PCDHAC2: variants seen among roughly 807,000 people sequenced by gnomAD.
The protein encoded by PCDHAC2 is protocadherin alpha-C2.
In PCDHAC2, 24 loss-of-function variants were observed where a neutral mutation model predicts 63.3. That is an observed-to-expected ratio of 0.38 (90% CI 0.27 to 0.53). PCDHAC2 has a LOEUF of 0.53. PCDHAC2 is among the 20% of genes least tolerant of loss of function. PCDHAC2 has a pLI of 0.81. For synonymous variants in PCDHAC2, 569 were observed against 529.4 expected (o/e 1.07, Z -1.03); for missense variants, 1,181 against 1,275.2 (o/e 0.93, Z 1.12).
Position 140,966,810 on chromosome 5 carries a change from G to C in PCDHAC2, c.44G>C (p.Arg15Pro), listed in dbSNP as rs1290992432. Residue 15 changes from arginine (R) to proline (P), a missense_variant, in exon 1 of 4, where the codon CGG (arginine) becomes CCG (proline). Transcript: ENST00000289269. ...AGACCTGCGGCGACAGAGCATCCAC[G>C]GCTCCGGCGGCCCATGCCCTGGCTG... ...GTRPAATEHP[R>P]LRRPMPWLLL... 5 of 1,548,566 alleles carry C rather than the reference G, an allele frequency of 3.2e-6. No individual in the cohort carries two copies. Among genetic ancestry groups the C allele is most frequent in the Non-Finnish European group, 4.3e-6 (5 of 1,151,006 alleles).
chr5:141,006,177 AAG>A (rs2098258661), intron 3 of PCDHAC2, among the ~76,000 whole-genome samples: 2 of 151,826 alleles, frequency 1.3e-5, no homozygotes, highest in African/African-American at 4.8e-5. Context: ...ATATTTTTAA[AAG>A]AGTTTGCTAT....
Position 141,009,631 on chromosome 5 carries a change from A to G in PCDHAC2, c.2718A>G (p.Pro906=). 6.2e-7 allele frequency: 1 copy of G among 1,613,068 alleles called. No individual in the cohort carries two copies. The highest frequency in any genetic ancestry group is 8.5e-7 in the Non-Finnish European group (1 of 1,179,354). The change falls in exon 4 of 4, where the codon CCA becomes CCG. Residue 906 remains proline (P), a synonymous_variant. Transcript: ENST00000289269. ...WPTVSSATPE[P]EAGEVSPPVG... is the part of the protein sequence containing the mutation. ...TTGTAATGTTTTGTCTTTCAGAACC[A>G]GAGGCAGGAGAAGTGTCCCCTCCAG...
intron 3 of PCDHAC2, among the ~76,000 whole-genome samples, chr5:140,992,482 G>A (rs1187706188): frequency 6.6e-6 from 1 of 152,164 alleles, no homozygotes; most frequent in Non-Finnish European, 1.5e-5. Flanking sequence ...TCACCCAGAG[G>A]CCAATCTGTA....
In PCDHAC2 at chr5:140,967,281, C is replaced by G; in HGVS notation, c.515C>G (p.Ala172Gly). Residue 172 changes from alanine (A) to glycine (G), a missense_variant, in exon 1 of 4, where the codon GCG becomes GGG. Ala to Gly is a moderately conservative substitution (Grantham distance 60, BLOSUM62 0). Transcript: ENST00000289269. ...GGAGCGCGCTTTCACATAGAGAGTG[C>G]GCAGGACCCCGACGTGGGCGCCAAC... ...APGARFHIESAQDPDVGANSV... is the reference protein window; with the variant it reads ...APGARFHIESGQDPDVGANSV... 4 of 1,613,102 alleles carry G rather than the reference C, an allele frequency of 2.5e-6. No individual in the cohort carries two copies. Among genetic ancestry groups the G allele is most frequent in the Non-Finnish European group, 3.4e-6 (4 of 1,179,608 alleles).
intron 1 of PCDHAC2, among the ~76,000 whole-genome samples, chr5:140,978,171 G>C (rs1386184793): frequency 6.6e-6 from 1 of 152,186 alleles, no homozygotes; most frequent in Non-Finnish European, 1.5e-5. Context: ...AGAGTTTGTA[G>C]AGAGAGGGCA....
At chr5:141,007,777 T>G (rs1467527710) in intron 3 of PCDHAC2, among the ~76,000 whole-genome samples, 2 of 152,226 alleles carry the variant, frequency 1.3e-5, no homozygotes, top group Non-Finnish European at 2.9e-5. Flanking sequence ...GAAATGGTAC[T>G]GCTTTACAAA....
intron 1 of PCDHAC2, among the ~76,000 whole-genome samples, chr5:140,973,558 T>C (rs1427190876): frequency 6.6e-6 from 1 of 152,238 alleles, no homozygotes; most frequent in Admixed American, 6.5e-5. Flanking sequence ...AATTACCTCT[T>C]TCCTCAATTT....
rs781892084 is a variant in PCDHAC2 at position 140,967,989 on chromosome 5, T to G, written c.1223T>G (p.Leu408Arg). 2 of 1,614,228 alleles carry G rather than the reference T, an allele frequency of 1.2e-6. No homozygotes were observed. Among genetic ancestry groups the G allele is most frequent in the Non-Finnish European group, 1.7e-6 (2 of 1,180,036 alleles). Residue 408 changes from leucine to arginine, a missense_variant, in exon 1 of 4, where the codon CTG (leucine) becomes CGG (arginine). By Grantham distance (102) the Leu-to-Arg change is moderately radical (BLOSUM62 -2). Transcript: ENST00000289269. Reference sequence around the variant, plus strand: ...GTGAGCCTGGGTCTGGAGGCCACACTGCCTTTCCGACTGAATGGCTTTGGA... The same window carrying G: ...GTGAGCCTGGGTCTGGAGGCCACACGGCCTTTCCGACTGAATGGCTTTGGA... ...RKVSLGLEAT[L>R]PFRLNGFGNS...
chr5:140,996,701 A>G (rs782320896), intron 3 of PCDHAC2, among the ~76,000 whole-genome samples: 2 of 152,130 alleles, frequency 1.3e-5, no homozygotes, highest in Non-Finnish European at 2.9e-5. Flanking sequence ...CTGAACCTCT[A>G]TCTCTTTGAT....
intron 3 of PCDHAC2, among the ~76,000 whole-genome samples, chr5:140,989,450 T>C (rs1299416259): frequency 6.6e-6 from 1 of 152,208 alleles, no homozygotes; most frequent in Admixed American, 6.5e-5. Context: ...TTGTTTAGAA[T>C]TGTTAGGCTT....
At chr5:140,987,227 A>T (rs1410526870) in intron 3 of PCDHAC2, among the ~76,000 whole-genome samples, 2 of 151,696 alleles carry the variant, frequency 1.3e-5, no homozygotes, top group African/African-American at 4.8e-5. Context: ...AAAAAAAAAA[A>T]TAATAAATAA....
Position 140,967,519 on chromosome 5 carries a change from C to T in PCDHAC2, c.753C>T (p.Asn251=), listed in dbSNP as rs147791062. ...AQISVRVLDT[N]DNSPAFDQST... is the part of the protein sequence containing the mutation. The stretch of plus-strand genomic sequence containing the variant: ...TCTCTGTGCGTGTCCTGGACACTAA[C>T]GACAACTCTCCTGCCTTTGACCAGT... Residue 251 remains asparagine (N), a synonymous_variant, in exon 1 of 4, where the codon AAC becomes AAT. Coordinates refer to ENST00000289269, the MANE Select transcript of PCDHAC2 (RefSeq NM_018899.6). 1 of 1,612,804 alleles carries T rather than the reference C, an allele frequency of 6.2e-7. No homozygotes were observed. The highest frequency in any genetic ancestry group is 8.5e-7 in the Non-Finnish European group (1 of 1,179,070).
chr5:140,969,097 C>G lies in PCDHAC2; in HGVS notation c.2331C>G (p.His777Gln), dbSNP rs2096295003. The change falls in exon 1 of 4, where the codon CAC (histidine) becomes CAG (glutamine). Residue 777 changes from histidine to glutamine, a missense_variant. His to Gln is a conservative substitution (Grantham distance 24). Transcript: ENST00000289269. ...CGCATGGCCTCAAAGTGCAGCCTCA[C>G]TTCATTGAAGTTCGAGGGAATGGCT... is the stretch of plus-strand genomic sequence containing the variant. ...RIPHGLKVQPHFIEVRGNGSL... is the reference protein window; with the variant it reads ...RIPHGLKVQPQFIEVRGNGSL... 6.2e-7 allele frequency: 1 copy of G among 1,614,072 alleles called. No homozygotes were observed. The highest frequency in any genetic ancestry group is 1.3e-5 in the African/African-American group (1 of 74,918).
rs1479503016 is a variant in PCDHAC2, at chr5:140,968,436, C to T, written c.1670C>T (p.Pro557Leu). 5 of 1,613,876 alleles carry T rather than the reference C, an allele frequency of 3.1e-6. No individual in the cohort carries two copies. Among genetic ancestry groups the T allele is most frequent in the Non-Finnish European group, 3.4e-6 (4 of 1,180,022 alleles). Residue 557 changes from proline (P) to leucine (L), a missense_variant, in exon 1 of 4, where the codon CCA (proline) becomes CTA (leucine). Transcript: ENST00000289269. ...GTGGAGGCTCAGGACAAGGGGAGCC[C>T]ACCACTGAGCAGCACTGTGACTGCC... ...VTVEAQDKGS[P>L]PLSSTVTANV...
chr5:140,974,057 G>A (rs1302269611), intron 1 of PCDHAC2, among the ~76,000 whole-genome samples: 1 of 152,154 alleles, frequency 6.6e-6, no homozygotes, highest in Non-Finnish European at 1.5e-5. Flanking sequence ...ATAATATTTG[G>A]AGCAGTATAA....
At chr5:140,988,756 A>G (rs577332845) in intron 3 of PCDHAC2, among the ~76,000 whole-genome samples, 170 of 152,318 alleles carry the variant, frequency 1.1e-3, no homozygotes, top group African/African-American at 4.0e-3. Flanking sequence ...TGGCCTGGGC[A>G]GAATACAGTC....
Position 141,010,331 on chromosome 5 carries a change from T to C in PCDHAC2, c.*394T>C. 6.5e-7 allele frequency: 1 copy of C among 1,537,904 alleles called. No homozygotes were observed. Among genetic ancestry groups the C allele is most frequent in the Non-Finnish European group, 8.8e-7 (1 of 1,142,160 alleles). On this transcript the variant is annotated 3_prime_UTR_variant, in exon 4 of 4. Transcript: ENST00000289269. The stretch of plus-strand genomic sequence containing the variant: ...TTTTGAGATTGAGCAGCTTGGGAGT[T>C]TGTGGCCACTGGGTATGTGTGGCTA...
intron 3 of PCDHAC2, among the ~76,000 whole-genome samples, chr5:140,988,599 G>A (rs782117836): frequency 6.6e-6 from 1 of 152,154 alleles, no homozygotes; most frequent in Non-Finnish European, 1.5e-5. Flanking sequence ...TAATGGTCAT[G>A]TAAATAAAAG....
At chr5:140,993,198 A>C (rs1554253472) in intron 3 of PCDHAC2, among the ~76,000 whole-genome samples, 1 of 151,946 alleles carries the variant, frequency 6.6e-6, no homozygotes, top group African/African-American at 2.4e-5. Context: ...AACTCACTAA[A>C]GCTAATTTTT....
Sources: gnomAD v4.1 joint callset for allele counts (sites outside exome capture counted in the v4.1 genomes callset) on GRCh38, gnomAD v4.1.1 for gene constraint, MANE v1.5 for transcripts, NCBI Gene and HGNC (gene_info 2026-07-23, HGNC 2026-07-21) for gene names.